The following SYNE1 variants were observed in gnomAD, a reference collection of about 807,000 sequenced individuals.
SYNE1 encodes the protein nesprin-1.
A neutral mutation model predicts 1,111.0 loss-of-function variants in SYNE1; 616 were observed. That is an observed-to-expected ratio of 0.55 (90% confidence interval 0.52 to 0.59). The LOEUF (loss-of-function observed/expected upper bound fraction) is 0.59. Ranked by LOEUF, SYNE1 falls within the 20% of genes least tolerant of loss-of-function variation. The pLI is 0.00. For synonymous variants in SYNE1, 3,855 were observed against 3,825.8 expected (o/e 1.01, Z -0.28); for missense variants, 10,006 against 10,417.0 (o/e 0.96, Z 1.72).
rs184692194 is a variant in SYNE1, at chr6:152,535,734, A to G, written c.129+4226T>C. Among the ~76,000 whole-genome samples, 59 of 152,332 alleles carry G rather than the reference A, an allele frequency of 3.9e-4. No individual in the cohort carries two copies. The East Asian group carries it at 0.011, about 29-fold the overall frequency. ...TATTAAGATTGCTTATACATGCCTA[A>G]TTTTAAACATCTAACTTTTTACAAA... is the stretch of plus-strand genomic sequence containing the variant. On this transcript the variant is annotated intron_variant, in intron 4 of 145. Transcript: ENST00000367255.
intron 132 of SYNE1, 90 bp downstream of exon 132, chr6:152,155,820 C>T: frequency 1.3e-6 from 2 of 1,510,796 alleles, no homozygotes; most frequent in Non-Finnish European, 1.8e-6. Context: ...TTGTAACGAA[C>T]AGGAAAGAGT....
At chr6:152,146,790 T>C (rs1374363613) in intron 137 of SYNE1, 1 of 152,330 alleles carries the variant, frequency 6.6e-6, no homozygotes, top group African/African-American at 2.4e-5. Flanking sequence ...TCTCTGTCCA[T>C]CCCTTCACTG....
In SYNE1 at chr6:152,242,124, T is replaced by A. The variant is rs764782995; in HGVS notation, c.19893+116A>T. On this transcript the variant is annotated intron_variant, in intron 107 of 145. Coordinates refer to ENST00000367255, the MANE Select transcript of SYNE1 (RefSeq NM_182961.4). Reference sequence around the variant, plus strand: ...TTGGCCATTTTTAAAGAATAACTTATACAAGTAAGAACTCATAAAAGACTG... The same window carrying A: ...TTGGCCATTTTTAAAGAATAACTTAAACAAGTAAGAACTCATAAAAGACTG... 5 of 1,053,910 alleles carry A rather than the reference T, an allele frequency of 4.7e-6. No individual in the cohort carries two copies. The Admixed American group carries it at 7.8e-5, about 17-fold the overall frequency. The allele number at this position is 1,053,910 out of a possible 1,614,324, so 65.3% of individuals were successfully genotyped here.
chr6:152,198,776 G>C (rs1306745158), intron 127 of SYNE1, among the ~76,000 whole-genome samples: 1 of 152,058 alleles, frequency 6.6e-6, no homozygotes, highest in East Asian at 1.9e-4. Flanking sequence ...GACTTCTATG[G>C]GCACAGTGTG....
chr6:152,510,326 T>C lies in SYNE1; in HGVS notation c.448A>G (p.Ser150Gly), dbSNP rs1326155477. Residue 150 changes from serine to glycine, a missense_variant, in exon 8 of 146, where the codon AGC becomes GGC. Ser to Gly is a moderately conservative substitution (Grantham distance 56, BLOSUM62 0). This residue lies in a region of SYNE1 where 1,971 missense variants were observed against 2,084.1 expected (regional missense o/e 0.95). Transcript: ENST00000367255. Reference protein sequence around the residue: ...SNLPQLQSLSSSASSVDSIVS... With the variant: ...SNLPQLQSLSGSASSVDSIVS... The stretch of plus-strand genomic sequence containing the variant: ...ATGCTGTCCACGGAGGATGCGCTGC[T>C]GGACAAAGACTGGAGCTGGGGCAGG... The C allele has an allele frequency of 6.2e-7, 1 of 1,614,104 alleles. No individual in the cohort carries two copies. Among genetic ancestry groups the C allele is most frequent in the Non-Finnish European group, 8.5e-7 (1 of 1,179,974 alleles).
chr6:152,404,281 C>T lies in SYNE1; in HGVS notation c.6757G>A (p.Glu2253Lys), dbSNP rs1432818477. ...AGATCATTAACTTTGGAATGCAGTTCTTCCAATCTCAATGCTTTGTTTTTA... is the reference window on the plus strand; with the variant it reads ...AGATCATTAACTTTGGAATGCAGTTTTTCCAATCTCAATGCTTTGTTTTTA... ...EVKNKALRLE[E>K]LHSKVNDLKE... Residue 2253 changes from glutamate (E) to lysine (K), a missense_variant, in exon 46 of 146, where the codon GAA becomes AAA. Physicochemically the swap from Glu to Lys is moderately conservative, Grantham distance 56. This residue lies in a region of SYNE1 where 4,955 missense variants were observed against 5,017.2 expected (regional missense o/e 0.99). Transcript: ENST00000367255. The T allele has an allele frequency of 6.2e-7, 1 of 1,612,744 alleles. No individual in the cohort carries two copies. The highest frequency in any genetic ancestry group is 1.7e-5 in the Admixed American group (1 of 59,990).
At chr6:152,370,470 T>G (rs972296346) in intron 59 of SYNE1, among the ~76,000 whole-genome samples, 1 of 152,206 alleles carries the variant, frequency 6.6e-6, no homozygotes, top group Admixed American at 6.5e-5. Context: ...TATTCTGATT[T>G]ATCAAGTGAT....
At chr6:152,598,832 T>C (rs1265681364) in intron 3 of SYNE1, among the ~76,000 whole-genome samples, 1 of 152,052 alleles carries the variant, frequency 6.6e-6, no homozygotes, top group Admixed American at 6.5e-5. Context: ...CCAAGAAGAG[T>C]ATTTTATGAT....
intron 11 of SYNE1, among the ~76,000 whole-genome samples, chr6:152,497,918 C>T (rs1443316224): frequency 1.3e-5 from 2 of 152,150 alleles, no homozygotes; most frequent in African/African-American, 4.8e-5. Flanking sequence ...CTTTTTCTTT[C>T]ACTTTATTGT....
In SYNE1 at chr6:152,310,355, T is replaced by C. The variant is rs760827556; in HGVS notation, c.17019+41A>G. On this transcript the variant is annotated intron_variant, in intron 89 of 145. Coordinates refer to ENST00000367255, the MANE Select transcript of SYNE1 (RefSeq NM_182961.4). ...TCCTTACTATCCTCTTTTAAAAATA[T>C]AGGTCCCTGTCCCTATTTACTCCAA... The C allele has an allele frequency of 3.3e-5, 54 of 1,612,912 alleles. No homozygotes were observed. In the East Asian group the frequency reaches 1.2e-3, roughly 35 times the overall value.
Position 152,236,801 on chromosome 6 carries a change from G to T in SYNE1, c.20199+16C>A. The T allele has an allele frequency of 6.2e-7, 1 of 1,614,042 alleles. No individual in the cohort carries two copies. The highest frequency in any genetic ancestry group is 1.1e-5 in the South Asian group (1 of 91,076). On this transcript the variant is annotated intron_variant, in intron 109 of 145. Coordinates refer to ENST00000367255, the MANE Select transcript of SYNE1 (RefSeq NM_182961.4). Reference sequence around the variant, plus strand: ...GGTAAGTTTCTAAAGGCAATGTGGCGGCTTGTAACACCAACCTGGTAGAGT... The same window carrying T: ...GGTAAGTTTCTAAAGGCAATGTGGCTGCTTGTAACACCAACCTGGTAGAGT...
In SYNE1 at chr6:152,234,676, C is replaced by CA; in HGVS notation, c.20520dup (p.Ala6841CysfsTer7). 6.2e-7 allele frequency: 1 copy of CA among 1,614,192 alleles called. No individual in the cohort carries two copies. The highest frequency in any genetic ancestry group is 8.5e-7 in the Non-Finnish European group (1 of 1,180,040). ...TAGATTCTTAGACTTACCAGGAAAGCATTTAGATGATCACGGACCATTTCC... is the reference window on the plus strand; with the variant it reads ...TAGATTCTTAGACTTACCAGGAAAGCAATTTAGATGATCACGGACCATTTCC... On this transcript the variant is annotated frameshift_variant, in exon 111 of 146. Transcript: ENST00000367255. LOFTEE classifies it high-confidence loss of function.
chr6:152,466,164 C>G, intron 16 of SYNE1, 86 bp from the exon 17 acceptor site: 1 of 783,836 alleles, frequency 1.3e-6, no homozygotes, highest in Non-Finnish European at 2.2e-6. Flanking sequence ...TAGCTATAAG[C>G]ACAGTTTACC....
At position 152,352,161 on chromosome 6, in the gene SYNE1, G is replaced by A. The variant is rs761960802; in HGVS notation, c.11446C>T (p.His3816Tyr). Reference protein sequence around the residue: ...KEHMTLEKGLHLAKEFSDKCK... With the variant: ...KEHMTLEKGLYLAKEFSDKCK... ...TTATCTGAGAATTCCTTTGCTAAATGAAGACCTTTTTCCAGCGTCATGTGT... is the reference window on the plus strand; with the variant it reads ...TTATCTGAGAATTCCTTTGCTAAATAAAGACCTTTTTCCAGCGTCATGTGT... Residue 3816 changes from histidine (H) to tyrosine (Y), a missense_variant, in exon 70 of 146, where the codon CAT (histidine) becomes TAT (tyrosine). Physicochemically the swap from His to Tyr is moderately conservative, Grantham distance 83. Coordinates refer to ENST00000367255, the MANE Select transcript of SYNE1 (RefSeq NM_182961.4). 3 of 1,614,228 alleles carry A rather than the reference G, an allele frequency of 1.9e-6. No individual in the cohort carries two copies. The highest frequency in any genetic ancestry group is 1.6e-4 in the Middle Eastern group (1 of 6,062).
intron 75 of SYNE1, 109 bp downstream of exon 75, chr6:152,339,132 A>C: frequency 7.0e-7 from 1 of 1,426,834 alleles, no homozygotes; most frequent in Non-Finnish European, 9.7e-7. Context: ...GAACCATTAC[A>C]TACAGCAAGA....
chr6:152,347,161 G>T lies in SYNE1; in HGVS notation c.11976C>A (p.Gly3992=). The change falls in exon 73 of 146, where the codon GGC becomes GGA. Residue 3992 remains glycine (G), a synonymous_variant. Transcript: ENST00000367255. The part of the protein sequence containing the change: ...NLQMKGDTLI[G]QCADHLQAKL... Reference sequence around the variant, plus strand: ...TCGCTTGCAGGTGGTCTGCACATTGGCCAATCAAAGTATCACCTTTCATTT... The same window carrying T: ...TCGCTTGCAGGTGGTCTGCACATTGTCCAATCAAAGTATCACCTTTCATTT... 1 of 1,614,126 alleles carries T rather than the reference G, an allele frequency of 6.2e-7. No homozygotes were observed.
At position 152,451,409 on chromosome 6, in the gene SYNE1, T is replaced by C. The variant is rs139566217; in HGVS notation, c.3028-204A>G. Reference sequence around the variant, plus strand: ...CACAGCAAATCCTTTCAGTCTGCTGTGGGTTAGGTGTTTCCTCAGTGATTA... The same window carrying C: ...CACAGCAAATCCTTTCAGTCTGCTGCGGGTTAGGTGTTTCCTCAGTGATTA... On this transcript the variant is annotated intron_variant, in intron 25 of 145. Transcript: ENST00000367255. 5.5e-3 allele frequency among the ~76,000 whole-genome samples: 827 copies of C among 150,162 alleles called. 11 individuals carry two copies. The highest frequency in any genetic ancestry group is 0.015 in the South Asian group (70 of 4,726).
chr6:152,285,132 G>T (rs1337596457), intron 95 of SYNE1, among the ~76,000 whole-genome samples: 1 of 151,992 alleles, frequency 6.6e-6, no homozygotes, highest in Non-Finnish European at 1.5e-5. Context: ...GTCTAATCCT[G>T]CTTCCCCGCC....
chr6:152,247,804 AAG>A (rs1317841508), intron 105 of SYNE1, among the ~76,000 whole-genome samples: 1 of 146,744 alleles, frequency 6.8e-6, no homozygotes, highest in Admixed American at 6.8e-5. Context: ...AATAAATAAA[AAG>A]AAAAATGCAC....
Sources: allele counts gnomAD v4.1 joint callset (sites outside exome capture counted in the v4.1 genomes callset), GRCh38; gene constraint gnomAD v4.1.1; regional missense constraint gnomAD v4.1.1; transcripts MANE v1.5; gene names NCBI Gene and HGNC (gene_info 2026-07-23, HGNC 2026-07-21).